The following IMPG2 variants were observed in gnomAD, a reference collection of about 807,000 sequenced individuals.
The protein encoded by IMPG2 is IPM 200.
IMPG2 carries 91 observed loss-of-function variants against 129.2 expected under a neutral mutation model. That is an observed-to-expected ratio of 0.70 (90% CI 0.59 to 0.84). The LOEUF is 0.84. Among genes scored for constraint, IMPG2 ranks in the 40% least tolerant of loss-of-function variants. IMPG2 has a pLI of 0.00. For synonymous variants in IMPG2, 510 were observed against 517.7 expected (o/e 0.99, Z 0.20); for missense variants, 1,430 against 1,461.7 (o/e 0.98, Z 0.35).
At chr3:101,256,204 AG>A (rs1559646433) in intron 10 of IMPG2, among the ~76,000 whole-genome samples, 18 of 150,496 alleles carry the variant, frequency 1.2e-4, no homozygotes, top group African/African-American at 3.5e-4. Context: ...AAAGAAAGAA[AG>A]AAAGAAAGAA....
chr3:101,256,220 A>AGAAAGAAAGAAAG (rs1553682270), intron 10 of IMPG2, among the ~76,000 whole-genome samples: 1 of 150,402 alleles, frequency 6.6e-6, no homozygotes, highest in African/African-American at 2.5e-5. Flanking sequence ...AAAGAAAGAA[A>AGAAAGAAAGAAAG]AAAATATCTT....
At chr3:101,289,864 A>G (rs1706986192) in intron 4 of IMPG2, among the ~76,000 whole-genome samples, 1 of 151,120 alleles carries the variant, frequency 6.6e-6, no homozygotes, top group Admixed American at 6.6e-5. Flanking sequence ...GGTCAGAGAG[A>G]AATGGATGGA....
Position 101,246,111 on chromosome 3 carries a change from G to A in IMPG2, c.1240-6C>T. ...GCAGCTTGAAAGGTATTATCCTGGG[G>A]GGAAAAAAAGGCTAAATCATATCAT... On this transcript the variant is annotated splice_polypyrimidine_tract_variant and splice_region_variant and intron_variant, in intron 11 of 18. Coordinates refer to ENST00000193391, the MANE Select transcript of IMPG2 (RefSeq NM_016247.4). 1.2e-6 allele frequency: 2 copies of A among 1,610,722 alleles called. No homozygotes were observed. Among genetic ancestry groups the A allele is most frequent in the Non-Finnish European group, 1.7e-6 (2 of 1,178,984 alleles).
chr3:101,243,694 A>T lies in IMPG2; in HGVS notation c.2637T>A (p.Ser879Arg), dbSNP rs1221629785. ...STSVHSTEMVSVAWPTEGGDD... is the reference protein window; with the variant it reads ...STSVHSTEMVRVAWPTEGGDD... ...CTCCTCCTTCTGTGGGCCAAGCCAC[A>T]CTAACCATCTCTGTGGAGTGAACAC... is the stretch of plus-strand genomic sequence containing the variant. The change falls in exon 13 of 19, where the codon AGT (serine) becomes AGA (arginine). Residue 879 changes from serine to arginine, a missense_variant. Coordinates refer to ENST00000193391, the MANE Select transcript of IMPG2 (RefSeq NM_016247.4). 6.2e-7 allele frequency: 1 copy of T among 1,614,150 alleles called. No individual in the cohort carries two copies. Among genetic ancestry groups the T allele is most frequent in the African/African-American group, 1.3e-5 (1 of 75,070 alleles).
intron 9 of IMPG2, among the ~76,000 whole-genome samples, chr3:101,263,704 C>T (rs1706693495): frequency 1.3e-5 from 2 of 151,576 alleles, no homozygotes; most frequent in African/African-American, 4.8e-5. Flanking sequence ...TAATAAAGAT[C>T]AGAGCAGAAA....
chr3:101,253,151 G>C (rs1198161314), intron 11 of IMPG2, among the ~76,000 whole-genome samples: 1 of 152,066 alleles, frequency 6.6e-6, no homozygotes, highest in East Asian at 1.9e-4. Flanking sequence ...ATCCCATGCT[G>C]TTTCTATGCA....
At chr3:101,252,866 G>A (rs1258884641) in intron 11 of IMPG2, among the ~76,000 whole-genome samples, 1 of 152,078 alleles carries the variant, frequency 6.6e-6, no homozygotes, top group African/African-American at 2.4e-5. Context: ...GCTGATATGA[G>A]ACAGAAAATA....
At chr3:101,271,325 GA>G (rs1706781332) in intron 7 of IMPG2, among the ~76,000 whole-genome samples, 1 of 152,046 alleles carries the variant, frequency 6.6e-6, no homozygotes, top group Non-Finnish European at 1.5e-5. Context: ...TCCATTAACT[GA>G]AAAAAATCAT....
intron 9 of IMPG2, among the ~76,000 whole-genome samples, chr3:101,260,462 T>C (rs1330921417): frequency 1.3e-5 from 2 of 152,178 alleles, no homozygotes; most frequent in Admixed American, 1.3e-4. Flanking sequence ...AAATATCAAA[T>C]GATGGTTCCA....
At position 101,228,884 on chromosome 3, in the gene IMPG2, A is replaced by G. The variant is rs1425516196; in HGVS notation, c.3634-8T>C. 1.9e-6 allele frequency: 3 copies of G among 1,608,108 alleles called. No homozygotes were observed. The highest frequency in any genetic ancestry group is 2.6e-6 in the Non-Finnish European group (3 of 1,174,652). ...CATTCTCTCTTGAATTTCCTTAAAC[A>G]AAAAAGAAACAATAGGCCACACATT... On this transcript the variant is annotated splice_region_variant and splice_polypyrimidine_tract_variant and intron_variant, in intron 17 of 18. Coordinates refer to ENST00000193391, the MANE Select transcript of IMPG2 (RefSeq NM_016247.4).
At chr3:101,231,628 G>A (rs116281130) in intron 15 of IMPG2, among the ~76,000 whole-genome samples, 2,820 of 152,214 alleles carry the variant, frequency 0.019, 83 homozygotes, top group African/African-American at 0.065. Flanking sequence ...GGACATGAAG[G>A]GACTGTTTTT....
chr3:101,307,035 C>G (rs937952862), intron 2 of IMPG2, among the ~76,000 whole-genome samples: 1 of 152,096 alleles, frequency 6.6e-6, no homozygotes, highest in African/African-American at 2.4e-5. Flanking sequence ...ATTCCTACAA[C>G]TCCCTAACAA....
At chr3:101,249,507 G>A (rs1706521039) in intron 11 of IMPG2, among the ~76,000 whole-genome samples, 1 of 151,834 alleles carries the variant, frequency 6.6e-6, no homozygotes, top group South Asian at 2.1e-4. Flanking sequence ...AAAGAAAAGT[G>A]ATAAAAAGTA....
At position 101,245,830 on chromosome 3, in the gene IMPG2, C is replaced by T; in HGVS notation, c.1515G>A (p.Arg505=). 1.2e-6 allele frequency: 2 copies of T among 1,614,158 alleles called. No homozygotes were observed. The highest frequency in any genetic ancestry group is 1.7e-6 in the Non-Finnish European group (2 of 1,179,994). ...CTTCTACCAAGTGAGATCCAGAAGT[C>T]CTTTCCTCAGAAGCCACAGGCAAGC... is the stretch of plus-strand genomic sequence containing the variant. ...QTGLPVASEE[R]TSGSHLVEDG... Residue 505 remains arginine, a synonymous_variant, in exon 12 of 19, where the codon AGG becomes AGA. Transcript: ENST00000193391.
At chr3:101,279,463 G>A (rs1400347622) in intron 4 of IMPG2, among the ~76,000 whole-genome samples, 1 of 152,170 alleles carries the variant, frequency 6.6e-6, no homozygotes, top group Non-Finnish European at 1.5e-5. Context: ...CTACTCTTTA[G>A]AAGGGTTTCA....
intron 11 of IMPG2, among the ~76,000 whole-genome samples, chr3:101,251,363 AAAG>A (rs1706542042): frequency 1.3e-5 from 2 of 152,216 alleles, no homozygotes; most frequent in South Asian, 2.1e-4. Flanking sequence ...CTTTTCAAAT[AAAG>A]AAGAAAGACC....
chr3:101,229,306 A>ACCCCCCCCCCCCCCCCCCC, intron 17 of IMPG2, 74 bp downstream of exon 17: 1 of 362,592 alleles, frequency 2.8e-6, no homozygotes, highest in Non-Finnish European at 5.5e-6. Flanking sequence ...ACACACCCCC[A>ACCCCCCCCCCCCCCCCCCC]CCCACCACCC....
At chr3:101,315,588 C>G (rs2058780703) in intron 2 of IMPG2, among the ~76,000 whole-genome samples, 1 of 152,122 alleles carries the variant, frequency 6.6e-6, no homozygotes, top group South Asian at 2.1e-4. Flanking sequence ...ATTTCAGTCT[C>G]ATTCTCAAGA....
chr3:101,228,557 C>T (rs1706248278), intron 18 of IMPG2, among the ~76,000 whole-genome samples: 1 of 152,228 alleles, frequency 6.6e-6, no homozygotes, highest in Non-Finnish European at 1.5e-5. Context: ...TAAGTCCCTT[C>T]ATGTCTCCAA....
Sources: gnomAD v4.1 joint callset for allele counts (sites outside exome capture counted in the v4.1 genomes callset) on GRCh38, gnomAD v4.1.1 for gene constraint, MANE v1.5 for transcripts, NCBI Gene and HGNC (gene_info 2026-07-23, HGNC 2026-07-21) for gene names.